Variants in IKZF4 observed in about 807,000 individuals in gnomAD.
IKZF4 encodes IKAROS family zinc finger 4.
In IKZF4, 11 loss-of-function variants were observed where a neutral mutation model predicts 47.7. The ratio of observed to expected loss-of-function variants is 0.23; its 90% confidence interval spans 0.15 to 0.38. The LOEUF (loss-of-function observed/expected upper bound fraction) is 0.38. IKZF4 is among the 10% of genes least tolerant of loss of function. The pLI, the probability that IKZF4 is intolerant of heterozygous loss-of-function variation, is 1.00. For synonymous variants in IKZF4, 298 were observed against 299.4 expected, an observed-to-expected ratio of 1.00 and a Z score of 0.05; for missense variants, 557 against 784.9, an observed-to-expected ratio of 0.71 and a Z score of 3.47.
intron 2 of IKZF4, 119 bp from the exon 3 acceptor site, chr12:56,024,935 G>C: frequency 1.3e-6 from 2 of 1,531,566 alleles, no homozygotes; most frequent in Middle Eastern, 1.8e-4. Context: ...ACACTGCTTT[G>C]TACATGGCTA....
At chr12:56,028,574 T>A (rs914099451) in intron 5 of IKZF4, among the ~76,000 whole-genome samples, 8 of 145,644 alleles carry the variant, frequency 5.5e-5, no homozygotes, top group Non-Finnish European at 1.2e-4. Flanking sequence ...CACCCTTCCC[T>A]GACTTTTGTT....
chr12:56,011,746 G>A (rs1020386497), intron 2 of IKZF4: 1 of 152,186 alleles, frequency 6.6e-6, no homozygotes, highest in Non-Finnish European at 1.5e-5. Context: ...AGGTTGGTGG[G>A]TTTCCTTCAG....
intron 5 of IKZF4, among the ~76,000 whole-genome samples, chr12:56,031,417 C>T (rs1894895894): frequency 6.6e-6 from 1 of 151,926 alleles, no homozygotes; most frequent in South Asian, 2.1e-4. Context: ...AAAAAGAAAG[C>T]GGTTGGAGGA....
At chr12:56,026,692 A>AG in intron 3 of IKZF4, 89 bp from the exon 4 acceptor site, 7 of 898,804 alleles carry the variant, frequency 7.8e-6, no homozygotes. Context: ...TCCATCTCAA[A>AG]AAAAAAAAAA....
chr12:56,033,073 G>A, intron 6 of IKZF4, 117 bp from the exon 7 acceptor site: 1 of 1,257,836 alleles, frequency 8.0e-7, no homozygotes, highest in Non-Finnish European at 1.1e-6. Context: ...CAGTTTCCCA[G>A]GCAACTGGTA....
intron 1 of IKZF4, among the ~76,000 whole-genome samples, chr12:56,008,468 T>C (rs1250450717): frequency 6.6e-6 from 1 of 152,122 alleles, no homozygotes; most frequent in Non-Finnish European, 1.5e-5. Context: ...CCCGTTATTT[T>C]CTTACCTCAT....
chr12:56,032,250 C>T (rs758159432), intron 5 of IKZF4: 3 of 310,580 alleles, frequency 9.7e-6, no homozygotes, highest in Non-Finnish European at 1.8e-5. Flanking sequence ...GGATGATCCT[C>T]TACAAAGTCC....
At chr12:56,030,529 A>C (rs1405440921) in intron 5 of IKZF4, among the ~76,000 whole-genome samples, 1 of 152,154 alleles carries the variant, frequency 6.6e-6, no homozygotes, top group Admixed American at 6.5e-5. Context: ...CAGGAGTTCA[A>C]GACCAGCCTG....
At chr12:56,009,200 A>C (rs1439203904) in intron 1 of IKZF4, among the ~76,000 whole-genome samples, 1 of 152,180 alleles carries the variant, frequency 6.6e-6, no homozygotes, top group Non-Finnish European at 1.5e-5. Flanking sequence ...CCAGATGACC[A>C]TTGAAGCCTG....
At chr12:56,009,302 A>C (rs946599024) in intron 1 of IKZF4, among the ~76,000 whole-genome samples, 2 of 152,224 alleles carry the variant, frequency 1.3e-5, no homozygotes, top group African/African-American at 2.4e-5. Context: ...GACTACCTAG[A>C]ATATTTCCAC....
intron 4 of IKZF4, among the ~76,000 whole-genome samples, chr12:56,027,374 C>G (rs1894200743): frequency 6.6e-6 from 1 of 152,000 alleles, no homozygotes; most frequent in African/African-American, 2.4e-5. Context: ...GGGTAAGACT[C>G]CTGGGTATTC....
intron 2 of IKZF4, among the ~76,000 whole-genome samples, chr12:56,015,545 C>T (rs1480824585): frequency 2.0e-5 from 3 of 151,918 alleles, no homozygotes; most frequent in African/African-American, 4.8e-5. Flanking sequence ...AGGTGTGTAC[C>T]ACCACACCCA....
At chr12:56,010,882 T>C (rs901668928) in intron 1 of IKZF4, among the ~76,000 whole-genome samples, 4 of 152,176 alleles carry the variant, frequency 2.6e-5, no homozygotes, top group Non-Finnish European at 5.9e-5. Flanking sequence ...AATTGGATTA[T>C]CAGAGCAAGA....
chr12:56,031,804 C>A (rs1894951056), intron 5 of IKZF4, among the ~76,000 whole-genome samples: 1 of 152,182 alleles, frequency 6.6e-6, no homozygotes, highest in Non-Finnish European at 1.5e-5. Flanking sequence ...TTCCTTATTA[C>A]AAGCACATAA....
upstream of IKZF4, among the ~76,000 whole-genome samples, chr12:56,016,059 C>CA (rs1296785360): frequency 7.1e-6 from 1 of 141,412 alleles, no homozygotes; most frequent in African/African-American, 2.6e-5. Flanking sequence ...ATCTCTCTGA[C>CA]AAAATGTAAG....
At chr12:56,019,454 G>T, upstream of IKZF4, 1 of 757,176 alleles carries the variant, frequency 1.3e-6, no homozygotes, top group Non-Finnish European at 1.6e-6. Flanking sequence ...GTTTAAGGAG[G>T]GAAGGAGTTG....
At chr12:56,025,872 A>G (rs1346416338) in intron 3 of IKZF4, among the ~76,000 whole-genome samples, 1 of 152,140 alleles carries the variant, frequency 6.6e-6, no homozygotes, top group Non-Finnish European at 1.5e-5. Flanking sequence ...ATGACAAGAG[A>G]GTAGAGAAAA....
chr12:56,030,589 C>T (rs774790775), intron 5 of IKZF4, among the ~76,000 whole-genome samples: 14 of 152,102 alleles, frequency 9.2e-5, no homozygotes, highest in African/African-American at 3.4e-4. Context: ...ATTAGCCAGG[C>T]GTGGTGGCGC....
At chr12:56,016,409 C>CT (rs912438411), upstream of IKZF4, among the ~76,000 whole-genome samples, 6 of 147,354 alleles carry the variant, frequency 4.1e-5, no homozygotes, top group Admixed American at 1.4e-4. Context: ...ATGCAATTTT[C>CT]TTTTTTTTTC....
Sources: gnomAD v4.1 joint callset for allele counts (sites outside exome capture counted in the v4.1 genomes callset) on GRCh38, gnomAD v4.1.1 for gene constraint, MANE v1.5 for transcripts, NCBI Gene and HGNC (gene_info 2026-07-23, HGNC 2026-07-21) for gene names.